Variants in CSMD3 observed in about 807,000 individuals in gnomAD.
CSMD3 encodes the protein CUB and sushi domain-containing protein 3.
A neutral mutation model predicts 435.2 loss-of-function variants in CSMD3; 177 were observed. The ratio of observed to expected loss-of-function variants is 0.41; its 90% CI spans 0.36 to 0.46. The LOEUF is 0.46. Among genes scored for constraint, CSMD3 ranks in the 20% least tolerant of loss-of-function variants. The probability of loss-of-function intolerance (pLI) is 0.34; values close to 1 mark genes in which losing one functional copy is unlikely to be tolerated. For synonymous variants in CSMD3, 1,656 were observed against 1,520.5 expected, an observed-to-expected ratio of 1.09 and a Z score of -2.07; for missense variants, 4,265 against 4,504.6, an observed-to-expected ratio of 0.95 and a Z score of 1.52.
intron 1 of CSMD3, among the ~76,000 whole-genome samples, chr8:113,350,403 G>A (rs571397636): frequency 2.5e-4 from 38 of 152,038 alleles, no homozygotes; most frequent in Non-Finnish European, 4.4e-4. Context: ...TTCTCCAATC[G>A]TGGTAAGAAC....
chr8:113,158,091 T>C (rs1049704397), intron 4 of CSMD3, among the ~76,000 whole-genome samples: 1 of 150,496 alleles, frequency 6.6e-6, no homozygotes, highest in African/African-American at 2.4e-5. Context: ...TAGAAAAAAA[T>C]ATACATTGCT....
chr8:112,841,301 G>A lies in CSMD3; in HGVS notation c.1756-11512C>T, dbSNP rs80281582. Among the ~76,000 whole-genome samples, 774 of 151,594 alleles carry A rather than the reference G, an allele frequency of 5.1e-3. 8 individuals carry two copies. Among genetic ancestry groups the A allele is most frequent in the African/African-American group, 0.017 (694 of 41,408 alleles). ...GCCAAGGGCCCCTGTAATCTTTTTAGTTTCTAGAAGACATCAGGGCCATAA... is the reference window on the plus strand; with the variant it reads ...GCCAAGGGCCCCTGTAATCTTTTTAATTTCTAGAAGACATCAGGGCCATAA... On this transcript the variant is annotated intron_variant, in intron 11 of 70. Transcript: ENST00000297405.
intron 4 of CSMD3, among the ~76,000 whole-genome samples, chr8:113,148,000 T>C (rs2091717675): frequency 6.6e-6 from 1 of 151,616 alleles, no homozygotes; most frequent in Non-Finnish European, 1.5e-5. Context: ...AATAATGCAG[T>C]TACAATTCTT....
At chr8:112,594,436 G>C (rs558662365) in intron 22 of CSMD3, among the ~76,000 whole-genome samples, 2 of 152,302 alleles carry the variant, frequency 1.3e-5, no homozygotes, top group South Asian at 4.1e-4. Context: ...CAGCCAGGCT[G>C]GGGGAGGGGC....
intron 13 of CSMD3, among the ~76,000 whole-genome samples, chr8:112,752,897 CCGCGTGTGTGTG>C (rs1208480978): frequency 9.3e-6 from 1 of 107,112 alleles, no homozygotes; most frequent in East Asian, 2.5e-4. Flanking sequence ...GTATTTGTTA[CCGCGTGTGTGTG>C]TGTGTGTGTG....
chr8:112,503,748 A>G (rs1027674368), intron 30 of CSMD3, 42 bp downstream of exon 30: 2 of 1,413,430 alleles, frequency 1.4e-6, no homozygotes, highest in Non-Finnish European at 9.9e-7. Flanking sequence ...TAAAATATCT[A>G]TAATTTAAAT....
intron 1 of CSMD3, among the ~76,000 whole-genome samples, chr8:113,334,981 A>G (rs977642656): frequency 2.0e-5 from 3 of 152,054 alleles, no homozygotes; most frequent in South Asian, 4.1e-4. Flanking sequence ...TATATCCCCA[A>G]TGTTGGAGGT....
intron 11 of CSMD3, among the ~76,000 whole-genome samples, chr8:112,844,134 T>C (rs1180003251): frequency 6.6e-6 from 1 of 151,920 alleles, no homozygotes; most frequent in African/African-American, 2.4e-5. Flanking sequence ...AGAAGATACA[T>C]AAAAATAGCT....
intron 22 of CSMD3, 33 bp from the exon 23 acceptor site, chr8:112,587,268 T>A (rs750077606): frequency 6.7e-7 from 1 of 1,488,714 alleles, no homozygotes; most frequent in African/African-American, 1.4e-5. Flanking sequence ...AAGTACAGTT[T>A]AATAGATAGC....
chr8:112,681,870 A>T (rs1327775551), intron 16 of CSMD3, among the ~76,000 whole-genome samples: 1 of 152,162 alleles, frequency 6.6e-6, no homozygotes, highest in African/African-American at 2.4e-5. Context: ...CGGTTTAAAA[A>T]TAATAATAAT....
chr8:113,397,865 T>TAAATAAATAAATAAAG (rs1019972589), intron 1 of CSMD3, among the ~76,000 whole-genome samples: 1 of 134,038 alleles, frequency 7.5e-6, no homozygotes, highest in African/African-American at 2.9e-5. Context: ...AATAAATAAA[T>TAAATAAATAAATAAAG]AAAGAACACA....
At chr8:112,398,734 G>T (rs1025804447) in intron 35 of CSMD3, among the ~76,000 whole-genome samples, 2 of 152,052 alleles carry the variant, frequency 1.3e-5, no homozygotes, top group African/African-American at 4.8e-5. Flanking sequence ...GCTTGTGACT[G>T]GATGGGTAGC....
intron 20 of CSMD3, chr8:112,643,415 A>T (rs55980973): frequency 0.54 from 91,332 of 169,202 alleles, 26,114 homozygotes; most frequent in African/African-American, 0.76. Context: ...CTTCATGTAA[A>T]TTTGCTACAC....
chr8:113,303,128 G>C (rs1443069786), intron 2 of CSMD3, among the ~76,000 whole-genome samples: 1 of 146,614 alleles, frequency 6.8e-6, no homozygotes, highest in South Asian at 2.3e-4. Flanking sequence ...CAGACAAACA[G>C]AGAGCCAAAT....
intron 31 of CSMD3, among the ~76,000 whole-genome samples, chr8:112,490,562 C>T (rs1820588794): frequency 6.6e-6 from 1 of 152,034 alleles, no homozygotes; most frequent in Non-Finnish European, 1.5e-5. Context: ...CATTGAAAGC[C>T]ATCTACTTAA....
At chr8:112,879,893 G>A (rs1007495393) in intron 10 of CSMD3, among the ~76,000 whole-genome samples, 1 of 151,910 alleles carries the variant, frequency 6.6e-6, no homozygotes, top group Admixed American at 6.6e-5. Context: ...ATACAGGAAG[G>A]GGAACATCAC....
chr8:113,136,727 AAG>A (rs1280303668), intron 4 of CSMD3, among the ~76,000 whole-genome samples: 1 of 151,684 alleles, frequency 6.6e-6, no homozygotes, highest in East Asian at 1.9e-4. Flanking sequence ...CATAAAGAGA[AAG>A]AGAAATAAAG....
intron 67 of CSMD3, 130 bp downstream of exon 67, chr8:112,237,060 A>G: frequency 2.0e-6 from 2 of 1,015,012 alleles, no homozygotes; most frequent in African/African-American, 1.6e-5. Flanking sequence ...CTGAGTGAAT[A>G]TGAATGTCAT....
intron 7 of CSMD3, among the ~76,000 whole-genome samples, chr8:112,965,730 C>T (rs773764169): frequency 1.3e-5 from 2 of 151,788 alleles, no homozygotes; most frequent in Non-Finnish European, 2.9e-5. Flanking sequence ...TGCATAAACC[C>T]GTTAACAAGT....
Sources: gnomAD v4.1 joint callset for allele counts (sites outside exome capture counted in the v4.1 genomes callset) on GRCh38, gnomAD v4.1.1 for gene constraint, MANE v1.5 for transcripts, NCBI Gene and HGNC (gene_info 2026-07-23, HGNC 2026-07-21) for gene names.